The following NCOR2 variants were observed in gnomAD, a reference collection of about 807,000 sequenced individuals.
The protein encoded by NCOR2 is nuclear receptor corepressor 2.
In NCOR2, 81 loss-of-function variants were observed where a neutral mutation model predicts 262.9. The ratio of observed to expected loss-of-function variants is 0.31; its 90% CI spans 0.26 to 0.37. NCOR2 has a LOEUF of 0.37. Ranked by LOEUF, NCOR2 falls within the 10% of genes least tolerant of loss-of-function variation. The pLI is 1.00. For missense variants in NCOR2, 3,385 were observed against 3,621.4 expected, an observed-to-expected ratio of 0.93 and a Z score of 1.68; for synonymous variants, 1,659 against 1,559.3, an observed-to-expected ratio of 1.06 and a Z score of -1.51.
At position 124,523,136 on chromosome 12, in the gene NCOR2, A is replaced by T. The variant is rs988183351; in HGVS notation, c.-118+12429T>A. Among the ~76,000 whole-genome samples, 2 of 152,220 alleles carry T rather than the reference A, an allele frequency of 1.3e-5. No homozygotes were observed. Among genetic ancestry groups the T allele is most frequent in the Non-Finnish European group, 2.9e-5 (2 of 68,032 alleles). ...CTGACCACGTTGGCTAAGGGAAGCC[A>T]ACGGTACTCCAGGGCTGTTTTTCTG... On this transcript the variant is annotated intron_variant, in intron 1 of 46. Coordinates refer to the NCOR2 transcript ENST00000404621. The surrounding 1 kb of genome is among the most constrained non-coding windows in gnomAD (Gnocchi z 4.0).
At chr12:124,451,246 A>G (rs2045512972) in intron 6 of NCOR2, among the ~76,000 whole-genome samples, 1 of 152,234 alleles carries the variant, frequency 6.6e-6, no homozygotes, top group South Asian at 2.1e-4. Context: ...CTCGCTGGCC[A>G]CGGAGGTGCA....
chr12:124,527,560 G>A (rs2137128176), intron 1 of NCOR2, among the ~76,000 whole-genome samples: 1 of 152,162 alleles, frequency 6.6e-6, no homozygotes, highest in Non-Finnish European at 1.5e-5. Context: ...TGGGATTACA[G>A]GCGCCCGCCA....
intron 20 of NCOR2, among the ~76,000 whole-genome samples, chr12:124,371,387 C>A (rs544175742): frequency 1.3e-5 from 2 of 152,290 alleles, no homozygotes; most frequent in East Asian, 3.9e-4. Flanking sequence ...GTGAATGTGA[C>A]CTTATTTGGA....
intron 34 of NCOR2, 88 bp from the exon 37 acceptor site, chr12:124,340,839 G>A (rs1010417211): frequency 3.1e-5 from 40 of 1,291,446 alleles, no homozygotes; most frequent in South Asian, 6.1e-5. Flanking sequence ...TGGAGAGCAC[G>A]GCACACACTC....
At chr12:124,363,592 G>C (rs1429426502) in intron 21 of NCOR2, 87 bp downstream of exon 23, 7 of 1,208,274 alleles carry the variant, frequency 5.8e-6, no homozygotes, top group East Asian at 5.7e-5. Flanking sequence ...GCAGGTGCAT[G>C]CTCCCGCCCG....
At chr12:124,330,920 G>T (rs1449124910) in intron 43 of NCOR2, 22 bp from the exon 46 acceptor site, 1 of 1,571,896 alleles carries the variant, frequency 6.4e-7, no homozygotes, top group African/African-American at 1.3e-5. Context: ...TGACAGAGTG[G>T]GTGAGGCCCC....
At chr12:124,444,314 G>A (rs1181176607) in intron 7 of NCOR2, among the ~76,000 whole-genome samples, 2 of 152,132 alleles carry the variant, frequency 1.3e-5, no homozygotes, top group African/African-American at 4.8e-5. Flanking sequence ...AGAAGTCAGG[G>A]TTTAAAAACA....
At chr12:124,384,513 G>C (rs1266229343) in intron 17 of NCOR2, among the ~76,000 whole-genome samples, 1 of 152,120 alleles carries the variant, frequency 6.6e-6, no homozygotes. Context: ...AGGGCCGTGG[G>C]ACCGTGGCCC....
rs141702738 is a variant in NCOR2, at chr12:124,384,508, C to T, written c.2019+1237G>A. On this transcript the variant is annotated intron_variant, in intron 17 of 46. Transcript: ENST00000405201. ...TGGATCTCAGCCCTGACCACAGGGCCGTGGGACCGTGGCCCCTCGGTCCCG... is the reference window on the plus strand; with the variant it reads ...TGGATCTCAGCCCTGACCACAGGGCTGTGGGACCGTGGCCCCTCGGTCCCG... Among the ~76,000 whole-genome samples, 934 of 152,224 alleles carry T rather than the reference C, an allele frequency of 6.1e-3. 11 individuals are homozygous for T. Among genetic ancestry groups the T allele is most frequent in the African/African-American group, 0.021 (888 of 41,536 alleles).
chr12:124,419,822 A>G, intron 13 of NCOR2, 135 bp downstream of exon 15: 1 of 787,320 alleles, frequency 1.3e-6, no homozygotes, highest in Admixed American at 1.9e-5. Context: ...GCCTGCACTC[A>G]CACTGCCGGT....
rs369875906 is a variant in NCOR2 at position 124,480,430 on chromosome 12, G to A, written c.411+3166C>T. Among the ~76,000 whole-genome samples the A allele has an allele frequency of 5.3e-5, 8 of 152,352 alleles. No homozygotes were observed. The East Asian group carries it at 1.2e-3, about 22-fold the overall frequency. On this transcript the variant is annotated intron_variant, in intron 3 of 46. Transcript: ENST00000405201. The stretch of plus-strand genomic sequence containing the variant: ...ACTGAAGCCTCTGGGGACACTGCCT[G>A]CGATTCCCCCACCAGCCCTGCCATC...
intron 16 of NCOR2, among the ~76,000 whole-genome samples, chr12:124,396,105 A>G (rs78270813): frequency 0.018 from 2,805 of 152,256 alleles, 99 homozygotes; most frequent in African/African-American, 0.065. Flanking sequence ...GATTCCATTC[A>G]TTGGAAACGC....
At chr12:124,352,462 T>G (rs905536631) in intron 27 of NCOR2, among the ~76,000 whole-genome samples, 2 of 151,886 alleles carry the variant, frequency 1.3e-5, no homozygotes, top group Non-Finnish European at 2.9e-5. Flanking sequence ...AGCCTCAAAC[T>G]CCTGGGCTCA....
At chr12:124,567,598 C>CGCGGCGGCGGTGGCGGCG (rs1404740550), upstream of NCOR2, 4 of 138,696 alleles carry the variant, frequency 2.9e-5, no homozygotes, top group South Asian at 2.1e-4. Context: ...CCCCGGCGGC[C>CGCGGCGGCGGTGGCGGCG]GCGGCGGCGG....
chr12:124,360,612 G>C (rs753603526), intron 22 of NCOR2, among the ~76,000 whole-genome samples: 16 of 152,110 alleles, frequency 1.1e-4, no homozygotes, highest in Non-Finnish European at 2.1e-4. Flanking sequence ...GCTGTGGCCT[G>C]AGAGGCCCCA....
chr12:124,536,394 G>A (rs775672966), upstream of NCOR2, among the ~76,000 whole-genome samples: 7 of 152,122 alleles, frequency 4.6e-5, no homozygotes, highest in Non-Finnish European at 7.3e-5. Flanking sequence ...AAGAATTTCT[G>A]AGTTACCATA....
chr12:124,360,280 A>G (rs904295222), intron 22 of NCOR2, among the ~76,000 whole-genome samples: 1 of 152,196 alleles, frequency 6.6e-6, no homozygotes, highest in Non-Finnish European at 1.5e-5. Flanking sequence ...AGCCCTGGTC[A>G]TGGGGCATCC....
intron 22 of NCOR2, among the ~76,000 whole-genome samples, chr12:124,359,740 G>A (rs757242413): frequency 5.9e-5 from 9 of 152,374 alleles, no homozygotes; most frequent in East Asian, 1.9e-4. Flanking sequence ...CTGGGCGGGC[G>A]GCCGAGAGCC....
chr12:124,432,724 CCAAGA>C lies in NCOR2; in HGVS notation c.883-1942_883-1938del, dbSNP rs1217926546. ...CCAGAGAGGGGGCTCTGCCTTCCCT[CCAAGA>C]CAAGGAAGTCCCTCTCCACATCTAA... On this transcript the variant is annotated intron_variant, in intron 8 of 46. Coordinates refer to ENST00000405201, the Ensembl canonical transcript of NCOR2. The surrounding 1 kb of genome is among the most constrained non-coding windows in gnomAD (Gnocchi z 5.1). Among the ~76,000 whole-genome samples, 1 of 152,198 alleles carries C rather than the reference CCAAGA, an allele frequency of 6.6e-6. No individual in the cohort carries two copies. The highest frequency in any genetic ancestry group is 1.5e-5 in the Non-Finnish European group (1 of 68,024).
Sources: gnomAD v4.1 joint callset for allele counts (sites outside exome capture counted in the v4.1 genomes callset) on GRCh38, gnomAD v4.1.1 for gene constraint, Gnocchi (gnomAD v3.1) non-coding constraint, MANE v1.5 for transcripts, NCBI Gene and HGNC (gene_info 2026-07-23, HGNC 2026-07-21) for gene names.